The following KIAA0586 variants were observed in gnomAD, a reference collection of about 807,000 sequenced individuals.
KIAA0586 encodes the protein KIAA0586.
A neutral mutation model predicts 169.8 loss-of-function variants in KIAA0586; 144 were observed. That is an observed-to-expected ratio of 0.85 (90% CI 0.74 to 0.97). The LOEUF (loss-of-function observed/expected upper bound fraction) is 0.97. KIAA0586 is among the 50% of genes least tolerant of loss of function. The probability of loss-of-function intolerance (pLI) is 0.00; values close to 1 mark genes in which losing one functional copy is unlikely to be tolerated. For missense variants in KIAA0586, 1,854 were observed against 1,823.0 expected, an observed-to-expected ratio of 1.02 and a Z score of -0.31; for synonymous variants, 625 against 612.4, an observed-to-expected ratio of 1.02 and a Z score of -0.30.
At chr14:58,531,142 C>T (rs1437023931) in intron 29 of KIAA0586, among the ~76,000 whole-genome samples, 1 of 150,654 alleles carries the variant, frequency 6.6e-6, no homozygotes, top group East Asian at 2.0e-4. Flanking sequence ...ACAGTGAAAC[C>T]CCGTCTCTAC....
intron 10 of KIAA0586, 54 bp from the exon 11 acceptor site, chr14:58,457,705 G>T: frequency 1.7e-6 from 2 of 1,155,578 alleles, no homozygotes; most frequent in South Asian, 3.0e-5. Flanking sequence ...CTGTTATTTT[G>T]ATTAAAGGAA....
intron 1 of KIAA0586, among the ~76,000 whole-genome samples, chr14:58,428,723 G>A (rs1178282993): frequency 7.2e-6 from 1 of 138,332 alleles, no homozygotes; most frequent in Non-Finnish European, 1.5e-5. Context: ...TATTTATGGT[G>A]GATACACTTA....
At chr14:58,547,716 A>G in intron 30 of KIAA0586, 65 bp from the exon 31 acceptor site, 1 of 1,429,242 alleles carries the variant, frequency 7.0e-7, no homozygotes, top group Non-Finnish European at 9.6e-7. Context: ...TTATTTCGCA[A>G]AGCATAAAGC....
intron 29 of KIAA0586, among the ~76,000 whole-genome samples, chr14:58,523,957 T>C (rs2045398868): frequency 6.6e-6 from 1 of 152,142 alleles, no homozygotes; most frequent in South Asian, 2.1e-4. Flanking sequence ...TAGTAACGAT[T>C]TACTAAAAAT....
chr14:58,519,824 A>G (rs2045063052), intron 29 of KIAA0586, among the ~76,000 whole-genome samples: 1 of 152,242 alleles, frequency 6.6e-6, no homozygotes, highest in Non-Finnish European at 1.5e-5. Flanking sequence ...TTAACCCCAA[A>G]CAACATTTAA....
chr14:58,558,479 A>G, the KIAA0586 span, among the ~76,000 whole-genome samples: 1 of 152,232 alleles, frequency 6.6e-6, no homozygotes, highest in African/African-American at 2.4e-5. Flanking sequence ...AAATTGTTGT[A>G]TAAGGGTGGA....
At chr14:58,509,869 A>C (rs1380461575) in intron 28 of KIAA0586, among the ~76,000 whole-genome samples, 2 of 152,228 alleles carry the variant, frequency 1.3e-5, no homozygotes, top group Non-Finnish European at 2.9e-5. Flanking sequence ...TGTTCTTCAA[A>C]ACACAGTTAA....
chr14:58,556,301 T>C, the KIAA0586 span, among the ~76,000 whole-genome samples: 10 of 152,232 alleles, frequency 6.6e-5, no homozygotes, highest in African/African-American at 2.4e-4. Context: ...AACAGAGTAT[T>C]CTGTACAGAA....
the KIAA0586 span, among the ~76,000 whole-genome samples, chr14:58,561,707 T>G: frequency 6.6e-6 from 1 of 152,230 alleles, no homozygotes; most frequent in Non-Finnish European, 1.5e-5. Flanking sequence ...ATGGATACTT[T>G]AAACTCAAAT....
At chr14:58,457,688 G>A (rs2039985587) in intron 10 of KIAA0586, 71 bp from the exon 11 acceptor site, 1 of 951,516 alleles carries the variant, frequency 1.1e-6, no homozygotes, top group Admixed American at 2.6e-5. Flanking sequence ...CTCAACAATA[G>A]TGATAGCTGT....
chr14:58,498,984 T>C, intron 27 of KIAA0586, 24 bp downstream of exon 27: 1 of 1,560,900 alleles, frequency 6.4e-7, no homozygotes. Flanking sequence ...TATTTTTTCT[T>C]GATGTGTCAT....
intron 7 of KIAA0586, 138 bp downstream of exon 7, chr14:58,448,631 A>G (rs2039103436): frequency 7.3e-6 from 3 of 412,232 alleles, no homozygotes; most frequent in South Asian, 1.1e-4. Flanking sequence ...TTGTTTTATA[A>G]AACAATTTTT....
At chr14:58,454,317 T>C (rs977211651) in intron 9 of KIAA0586, among the ~76,000 whole-genome samples, 1 of 152,222 alleles carries the variant, frequency 6.6e-6, no homozygotes, top group Non-Finnish European at 1.5e-5. Flanking sequence ...AAAGCCTTGT[T>C]CCCTCCCCTT....
intron 8 of KIAA0586, 43 bp from the exon 9 acceptor site, chr14:58,453,307 G>T (rs760606778): frequency 1.9e-6 from 2 of 1,049,890 alleles, no homozygotes; most frequent in Admixed American, 6.9e-5. Flanking sequence ...CAAGAGAAAT[G>T]AATTAGTATT....
chr14:58,514,966 G>T (rs995538921), intron 29 of KIAA0586, among the ~76,000 whole-genome samples: 1 of 151,746 alleles, frequency 6.6e-6, no homozygotes, highest in Non-Finnish European at 1.5e-5. Flanking sequence ...CAATTTATTT[G>T]TCATGAGCCC....
intron 27 of KIAA0586, among the ~76,000 whole-genome samples, chr14:58,506,183 A>G (rs1003139435): frequency 2.6e-5 from 4 of 152,228 alleles, no homozygotes; most frequent in African/African-American, 4.8e-5. Context: ...CTCTTAGAAA[A>G]ATGTTGAACA....
rs2040049029 is a variant in KIAA0586 at position 58,458,406 on chromosome 14, A to G, written c.1584-67A>G. 7 of 825,260 alleles carry G rather than the reference A, an allele frequency of 8.5e-6. No individual in the cohort carries two copies. The South Asian group carries it at 1.1e-4, about 13-fold the overall frequency. 51.1% of individuals were successfully genotyped at this position (825,260 alleles called of 1,614,324 possible). A position where few individuals can be genotyped will look rare whatever the true frequency, so the allele number is the denominator to read the frequency against. ...AGGTTCACAACTAGATAAGAGTTAGATCTGATCCAAGTCCTGCTCAGGACA... is the reference window on the plus strand; with the variant it reads ...AGGTTCACAACTAGATAAGAGTTAGGTCTGATCCAAGTCCTGCTCAGGACA... On this transcript the variant is annotated intron_variant, in intron 11 of 30. Coordinates refer to ENST00000652326, the MANE Select transcript of KIAA0586 (RefSeq NM_001329943.3).
rs190931792 is a variant in KIAA0586 at position 58,474,287 on chromosome 14, G to A, written c.2635-320G>A. Among the ~76,000 whole-genome samples the A allele has an allele frequency of 1.3e-3, 200 of 152,198 alleles. 1 individual carries two copies. The highest frequency in any genetic ancestry group is 4.2e-3 in the African/African-American group (175 of 41,522). ...TATCAGGAAGCATCAATTTTTTAACGATAATTATTAAGCATACATTTCTAG... is the reference window on the plus strand; with the variant it reads ...TATCAGGAAGCATCAATTTTTTAACAATAATTATTAAGCATACATTTCTAG... On this transcript the variant is annotated intron_variant, in intron 18 of 30. Transcript: ENST00000652326.
At position 58,508,700 on chromosome 14, in the gene KIAA0586, T is replaced by C; in HGVS notation, c.4314T>C (p.Asp1438=). The change falls in exon 28 of 31, where the codon GAT becomes GAC. Residue 1438 remains aspartate, a synonymous_variant. Transcript: ENST00000652326. ...TTAATTTACCAGTAGCCGCTGAAGA[T>C]TTTTCCCAGGTACCAAATTAATAGC... ...NDVNLPVAAE[D]FSQYQLKQNQ... is the part of the protein sequence containing the mutation. The C allele has an allele frequency of 6.3e-7, 1 of 1,584,198 alleles. No homozygotes were observed. The highest frequency in any genetic ancestry group is 8.6e-7 in the Non-Finnish European group (1 of 1,164,040).
Sources: gnomAD v4.1 joint callset for allele counts (sites outside exome capture counted in the v4.1 genomes callset) on GRCh38, gnomAD v4.1.1 for gene constraint, MANE v1.5 for transcripts, NCBI Gene and HGNC (gene_info 2026-07-23, HGNC 2026-07-21) for gene names.